Variants in DPYSL5 observed in about 807,000 individuals in gnomAD.
The protein encoded by DPYSL5 is dihydropyrimidinase-related protein 5.
A neutral mutation model predicts 58.4 loss-of-function variants in DPYSL5; 9 were observed. The observed-to-expected ratio is 0.15, with a 90% CI of 0.09 to 0.27. The LOEUF (loss-of-function observed/expected upper bound fraction) is 0.27. Ranked by LOEUF, DPYSL5 falls within the 10% of genes least tolerant of loss-of-function variation. The probability of loss-of-function intolerance (pLI) is 1.00; values close to 1 mark genes in which losing one functional copy is unlikely to be tolerated. For synonymous variants in DPYSL5, 293 were observed against 301.9 expected (o/e 0.97, Z 0.31); for missense variants, 499 against 770.6 (o/e 0.65, Z 4.17).
rs1162247027 is a variant in DPYSL5 at position 26,898,719 on chromosome 2, A to G, written c.220A>G (p.Met74Val). 26 of 1,613,684 alleles carry G rather than the reference A, an allele frequency of 1.6e-5. No homozygotes were observed. The highest frequency in any genetic ancestry group is 2.2e-5 in the Non-Finnish European group (26 of 1,179,590). The change falls in exon 2 of 13, where the codon ATG (methionine) becomes GTG (valine). Residue 74 changes from methionine to valine, a missense_variant. Transcript: ENST00000288699. This position sits in a 1 kb window ranked among gnomAD's most constrained non-coding sequence, Gnocchi z 6.1. ...DTSTHFHQTF[M>V]NATCVDDFYH... is the part of the protein sequence containing the mutation. Reference sequence around the variant, plus strand: ...CAGCACCCACTTCCACCAGACCTTCATGAATGCCACGTGCGTGGACGACTT... The same window carrying G: ...CAGCACCCACTTCCACCAGACCTTCGTGAATGCCACGTGCGTGGACGACTT...
chr2:26,918,461 C>T (rs1664629107), intron 2 of DPYSL5, among the ~76,000 whole-genome samples: 1 of 137,746 alleles, frequency 7.3e-6, no homozygotes, highest in South Asian at 2.2e-4. Flanking sequence ...GAGAAACTAC[C>T]GAGCTGGTTA....
intron 1 of DPYSL5, among the ~76,000 whole-genome samples, chr2:26,870,004 T>C (rs1417244525): frequency 6.6e-6 from 1 of 152,042 alleles, no homozygotes; most frequent in Non-Finnish European, 1.5e-5. Context: ...GAGCAAGACT[T>C]CGTCTCAAAA....
Position 26,914,799 on chromosome 2 carries a change from C to T in DPYSL5, c.262-10088C>T, listed in dbSNP as rs1664524249. ...ACAAGAAAGGTCCCTGGGCTACTCA[C>T]CTACGGGGAGCAGGAACTCAGGACT... On this transcript the variant is annotated intron_variant, in intron 2 of 12. Coordinates refer to ENST00000288699, the MANE Select transcript of DPYSL5 (RefSeq NM_020134.4). Among the ~76,000 whole-genome samples, 4 of 152,232 alleles carry T rather than the reference C, an allele frequency of 2.6e-5. No individual in the cohort carries two copies. In the South Asian group the frequency reaches 8.3e-4, roughly 32 times the overall value.
intron 2 of DPYSL5, among the ~76,000 whole-genome samples, chr2:26,917,003 A>C (rs2148151481): frequency 6.6e-6 from 1 of 152,358 alleles, no homozygotes; most frequent in South Asian, 2.1e-4. Flanking sequence ...TACTATGTGC[A>C]GGCACTGGGC....
rs758019003 is a variant in DPYSL5 at position 26,942,501 on chromosome 2, C to T, written c.1233-42C>T. 1.3e-6 allele frequency: 2 copies of T among 1,581,980 alleles called. No homozygotes were observed. Among genetic ancestry groups the T allele is most frequent in the Non-Finnish European group, 1.7e-6 (2 of 1,161,462 alleles). On this transcript the variant is annotated intron_variant, in intron 10 of 12. Coordinates refer to ENST00000288699, the MANE Select transcript of DPYSL5 (RefSeq NM_020134.4). The surrounding 1 kb of genome is among the most constrained non-coding windows in gnomAD (Gnocchi z 5.9). Reference sequence around the variant, plus strand: ...TCCCATGGAGCTGTGACATTTTGACCTGTCCTCAGCGCTTTCTCTCCCGCC... The same window carrying T: ...TCCCATGGAGCTGTGACATTTTGACTTGTCCTCAGCGCTTTCTCTCCCGCC...
chr2:26,890,117 C>T lies in DPYSL5; in HGVS notation c.-4-8379C>T, dbSNP rs1663836542. 4.6e-5 allele frequency among the ~76,000 whole-genome samples: 7 copies of T among 152,162 alleles called. No homozygotes were observed. In the South Asian group the frequency reaches 1.4e-3, roughly 31 times the overall value. On this transcript the variant is annotated intron_variant, in intron 1 of 12. Transcript: ENST00000288699. The stretch of plus-strand genomic sequence containing the variant: ...TAGTCTTACCCATTCCAGCTCTGGT[C>T]TCTGTAACATGGGGAAAGATACCCA...
At chr2:26,862,992 T>G (rs1222099666) in intron 1 of DPYSL5, among the ~76,000 whole-genome samples, 1 of 152,156 alleles carries the variant, frequency 6.6e-6, no homozygotes, top group Non-Finnish European at 1.5e-5. Flanking sequence ...GAATCCCCTT[T>G]TTGGAATAGA....
At chr2:26,857,899 C>T (rs1297900488) in intron 1 of DPYSL5, among the ~76,000 whole-genome samples, 3 of 152,254 alleles carry the variant, frequency 2.0e-5, no homozygotes, top group East Asian at 1.9e-4. Flanking sequence ...TGGCCAGTAT[C>T]GTCATGTGGC....
At chr2:26,945,110 TGTGCACACAGTGG>T (rs1273360370) in intron 12 of DPYSL5, among the ~76,000 whole-genome samples, 1 of 152,122 alleles carries the variant, frequency 6.6e-6, no homozygotes, top group Non-Finnish European at 1.5e-5. Flanking sequence ...TCTTGAGGGC[TGTGCACACAGTGG>T]GTGCTCCAGA....
At chr2:26,888,208 C>T (rs910214151) in intron 1 of DPYSL5, among the ~76,000 whole-genome samples, 33 of 117,872 alleles carry the variant, frequency 2.8e-4, no homozygotes, top group East Asian at 6.8e-4. Flanking sequence ...CCTTCCCTTT[C>T]TTTTCTTTCT....
At chr2:26,881,967 T>C (rs1663575918) in intron 1 of DPYSL5, among the ~76,000 whole-genome samples, 1 of 151,532 alleles carries the variant, frequency 6.6e-6, no homozygotes, top group Admixed American at 6.6e-5. Context: ...GGTGGGCACC[T>C]GCAGTCTCAG....
chr2:26,903,123 G>A (rs1036842763), intron 2 of DPYSL5, among the ~76,000 whole-genome samples: 2 of 150,776 alleles, frequency 1.3e-5, no homozygotes, highest in African/African-American at 4.9e-5. Context: ...AGGCTGGAGT[G>A]CAATGGCGAG....
intron 8 of DPYSL5, among the ~76,000 whole-genome samples, chr2:26,937,742 T>TTTTGCTTG (rs1665216339): frequency 6.7e-6 from 1 of 149,098 alleles, no homozygotes; most frequent in African/African-American, 2.5e-5. Flanking sequence ...CTGGCTAGTT[T>TTTTGCTTG]TTTGTTTGTT....
At chr2:26,862,070 G>T (rs1208535858) in intron 1 of DPYSL5, among the ~76,000 whole-genome samples, 3 of 133,338 alleles carry the variant, frequency 2.2e-5, no homozygotes, top group Non-Finnish European at 5.3e-5. Flanking sequence ...GTGGAAATAA[G>T]TTCTCCCCCA....
intron 5 of DPYSL5, among the ~76,000 whole-genome samples, chr2:26,929,227 C>CTTTAT (rs529892240): frequency 6.6e-6 from 1 of 151,998 alleles, no homozygotes; most frequent in South Asian, 2.1e-4. Flanking sequence ...CAGTTTCTTT[C>CTTTAT]TTTATTTTAT....
chr2:26,928,998 G>C (rs1664902394), intron 5 of DPYSL5, among the ~76,000 whole-genome samples: 1 of 151,814 alleles, frequency 6.6e-6, no homozygotes, highest in South Asian at 2.1e-4. Context: ...TTTGGACCAG[G>C]GGTCACCAAC....
Position 26,925,112 on chromosome 2 carries a change from G to A in DPYSL5, c.420+67G>A. On this transcript the variant is annotated intron_variant, in intron 3 of 12. Coordinates refer to ENST00000288699, the MANE Select transcript of DPYSL5 (RefSeq NM_020134.4). This position sits in a 1 kb window ranked among gnomAD's most constrained non-coding sequence, Gnocchi z 4.5. ...CTTGTAGGCAGAGGGGCTGGTTGGGGTGCAGTGCCTCCTGCTTGTGTGGGG... is the reference window on the plus strand; with the variant it reads ...CTTGTAGGCAGAGGGGCTGGTTGGGATGCAGTGCCTCCTGCTTGTGTGGGG... 6.4e-7 allele frequency: 1 copy of A among 1,567,742 alleles called. No homozygotes were observed. Among genetic ancestry groups the A allele is most frequent in the Non-Finnish European group, 8.7e-7 (1 of 1,153,804 alleles).
At chr2:26,872,184 C>A (rs1663278858) in intron 1 of DPYSL5, among the ~76,000 whole-genome samples, 1 of 152,180 alleles carries the variant, frequency 6.6e-6, no homozygotes, top group African/African-American at 2.4e-5. Flanking sequence ...GAGAGGAGAG[C>A]AGGGAGCATG....
At chr2:26,923,237 G>A in intron 2 of DPYSL5, among the ~76,000 whole-genome samples, 1 of 152,166 alleles carries the variant, frequency 6.6e-6, no homozygotes, top group Admixed American at 6.5e-5. Flanking sequence ...AGGCCAAGGT[G>A]GGAGGATCAC....
Sources: gnomAD v4.1 joint callset for allele counts (sites outside exome capture counted in the v4.1 genomes callset) on GRCh38, gnomAD v4.1.1 for gene constraint, Gnocchi (gnomAD v3.1) non-coding constraint, MANE v1.5 for transcripts, NCBI Gene and HGNC (gene_info 2026-07-23, HGNC 2026-07-21) for gene names.